Variants in DDX46 observed in about 807,000 individuals in gnomAD.
DDX46 encodes the protein DEAD-box helicase 46, also known as probable ATP-dependent RNA helicase DDX46.
DDX46 carries 30 observed loss-of-function variants against 134.9 expected under a neutral mutation model. That is an observed-to-expected ratio of 0.22 (90% CI 0.17 to 0.30). The LOEUF is 0.30. DDX46 is among the 10% of genes least tolerant of loss of function. The pLI is 1.00. For missense variants in DDX46, 622 were observed against 1,248.7 expected (o/e 0.50, Z 7.56); for synonymous variants, 415 against 404.1 (o/e 1.03, Z -0.32).
chr5:134,805,594 T>A (rs1381689970), intron 15 of DDX46, among the ~76,000 whole-genome samples: 2 of 151,850 alleles, frequency 1.3e-5, no homozygotes, highest in Non-Finnish European at 2.9e-5. Flanking sequence ...AGTGGCATGA[T>A]CTTGGCTCAC....
intron 15 of DDX46, among the ~76,000 whole-genome samples, chr5:134,803,032 G>C (rs1754878150): frequency 6.6e-6 from 1 of 151,956 alleles, no homozygotes; most frequent in African/African-American, 2.4e-5. Context: ...GTCTTGCTCT[G>C]TCTCCCAGGC....
At chr5:134,811,633 G>C in intron 17 of DDX46, 63 bp from the exon 18 acceptor site, 1 of 1,498,928 alleles carries the variant, frequency 6.7e-7, no homozygotes, top group Non-Finnish European at 9.0e-7. Context: ...TATTTAATTA[G>C]TATGAATTCC....
chr5:134,804,823 AT>A, intron 15 of DDX46: 1 of 409,516 alleles, frequency 2.4e-6, no homozygotes, highest in Non-Finnish European at 4.8e-6. Context: ...TTTCACCATG[AT>A]TTTCTGTTCC....
chr5:134,806,017 A>T (rs1754977645), intron 15 of DDX46, among the ~76,000 whole-genome samples: 1 of 151,148 alleles, frequency 6.6e-6, no homozygotes, highest in Non-Finnish European at 1.5e-5. Flanking sequence ...GTTCAAGACC[A>T]GCCTGGCCAA....
intron 15 of DDX46, among the ~76,000 whole-genome samples, chr5:134,799,316 C>CTTT (rs569120916): frequency 6.9e-6 from 1 of 144,676 alleles, no homozygotes; most frequent in East Asian, 2.0e-4. Context: ...ACTTGTTTCA[C>CTTT]TTTTTTTTTT....
At chr5:134,759,651 T>C (rs1033109138) in intron 1 of DDX46, among the ~76,000 whole-genome samples, 6 of 152,196 alleles carry the variant, frequency 3.9e-5, no homozygotes, top group South Asian at 2.1e-4. Context: ...TTGCTATGTA[T>C]TTAGCAATGA....
At chr5:134,820,371 T>C (rs891784712) in intron 21 of DDX46, among the ~76,000 whole-genome samples, 1 of 152,218 alleles carries the variant, frequency 6.6e-6, no homozygotes, top group East Asian at 1.9e-4. Context: ...CACCATAGCA[T>C]TGTAGTCAGT....
intron 5 of DDX46, among the ~76,000 whole-genome samples, chr5:134,775,743 C>G (rs1480968655): frequency 4.6e-5 from 7 of 152,174 alleles, no homozygotes; most frequent in Admixed American, 4.6e-4. Flanking sequence ...CCACCTGCCT[C>G]GGCCTCCCAA....
intron 13 of DDX46, among the ~76,000 whole-genome samples, chr5:134,793,239 G>C (rs1754558969): frequency 6.6e-6 from 1 of 152,260 alleles, no homozygotes; most frequent in South Asian, 2.1e-4. Context: ...TAAGGTTTCA[G>C]TGTCATGCAG....
rs1753502144 is a variant in DDX46 at position 134,764,624 on chromosome 5, C to T, written c.206+532C>T. 2.0e-5 allele frequency among the ~76,000 whole-genome samples: 3 copies of T among 152,130 alleles called. No homozygotes were observed. The South Asian group carries it at 6.2e-4, about 32-fold the overall frequency. On this transcript the variant is annotated intron_variant, in intron 2 of 22. Coordinates refer to ENST00000452510, the MANE Select transcript of DDX46 (RefSeq NM_001300860.2). ...AGTTTGGAAACTTTAGGCTGTATTTCCTGTAACCCAAAGACATCCCTTGAA... is the reference window on the plus strand; with the variant it reads ...AGTTTGGAAACTTTAGGCTGTATTTTCTGTAACCCAAAGACATCCCTTGAA...
In DDX46 at chr5:134,774,426, A is replaced by C. The variant is rs139730851; in HGVS notation, c.613+565A>C. ...GTAATGCTCCTGTGACCATTGGTGT[A>C]TAAATATCTGTTTGAGTCTCTGTAT... is the stretch of plus-strand genomic sequence containing the variant. On this transcript the variant is annotated intron_variant, in intron 5 of 22. Coordinates refer to ENST00000452510, the MANE Select transcript of DDX46 (RefSeq NM_001300860.2). Among the ~76,000 whole-genome samples the C allele has an allele frequency of 2.6e-3, 390 of 152,312 alleles. 2 individuals are homozygous for C. The highest frequency in any genetic ancestry group is 9.1e-3 in the African/African-American group (377 of 41,578).
intron 2 of DDX46, among the ~76,000 whole-genome samples, chr5:134,765,601 A>G (rs944668549): frequency 6.6e-6 from 1 of 152,066 alleles, no homozygotes; most frequent in Admixed American, 6.6e-5. Context: ...CACCCAGCCA[A>G]TTAAAAAAAG....
intron 4 of DDX46, among the ~76,000 whole-genome samples, chr5:134,772,444 C>A (rs988701020): frequency 6.6e-6 from 1 of 152,098 alleles, no homozygotes; most frequent in African/African-American, 2.4e-5. Context: ...ATGGCTTGAA[C>A]CCCGGACTTG....
In DDX46 at chr5:134,818,874, A is replaced by G. The variant is rs17167672; in HGVS notation, c.2847A>G (p.Lys949=). Residue 949 remains lysine (K), a synonymous_variant, in exon 21 of 23, where the codon AAA becomes AAG. Coordinates refer to ENST00000452510, the MANE Select transcript of DDX46 (RefSeq NM_001300860.2). ...TTTTCTTTTAGACTGCTAGGTGGAA[A>G]GTTACCTCTAAGGAAGCTCTGCAGA... ...INDFPQTARW[K]VTSKEALQRI... 2,623 of 1,612,334 alleles carry G rather than the reference A, an allele frequency of 1.6e-3. 38 individuals carry two copies. In the African/African-American group the frequency reaches 0.029, roughly 18 times the overall value.
chr5:134,817,762 C>G, intron 20 of DDX46, 48 bp downstream of exon 20: 1 of 1,496,166 alleles, frequency 6.7e-7, no homozygotes, highest in Non-Finnish European at 9.1e-7. Context: ...AGCAACTCTT[C>G]TTTGGAGGAA....
At chr5:134,819,797 A>G (rs764038014) in intron 21 of DDX46, among the ~76,000 whole-genome samples, 1 of 151,964 alleles carries the variant, frequency 6.6e-6, no homozygotes, top group Non-Finnish European at 1.5e-5. Flanking sequence ...AGCCTCCCAA[A>G]GTGCTAGGAT....
chr5:134,770,373 G>A (rs569268411), intron 3 of DDX46, among the ~76,000 whole-genome samples: 1 of 152,038 alleles, frequency 6.6e-6, no homozygotes, highest in Admixed American at 6.6e-5. Context: ...ACCATACCCA[G>A]CTAATTCTTA....
chr5:134,824,716 T>C (rs887531001), intron 21 of DDX46, among the ~76,000 whole-genome samples: 1 of 152,242 alleles, frequency 6.6e-6, no homozygotes, highest in Non-Finnish European at 1.5e-5. Context: ...TTTTTGAAAC[T>C]CCGAACTCAA....
At position 134,784,263 on chromosome 5, in the gene DDX46, T is replaced by A. The variant is rs574386464; in HGVS notation, c.1167-103T>A. The A allele has an allele frequency of 8.8e-5, 106 of 1,204,382 alleles. 1 individual carries two copies. Among genetic ancestry groups the A allele is most frequent in the East Asian group, 2.8e-4 (11 of 39,724 alleles). 74.6% of individuals were successfully genotyped at this position (1,204,382 alleles called of 1,614,324 possible). A position where few individuals can be genotyped will look rare whatever the true frequency, so the allele number is the denominator to read the frequency against. ...CCAAATAGTATTTTATTGTATGATATATACCACCTTTTGGAAGTTCATTTT... is the reference window on the plus strand; with the variant it reads ...CCAAATAGTATTTTATTGTATGATAAATACCACCTTTTGGAAGTTCATTTT... On this transcript the variant is annotated intron_variant, in intron 9 of 22. Coordinates refer to ENST00000452510, the MANE Select transcript of DDX46 (RefSeq NM_001300860.2).
Sources: allele counts gnomAD v4.1 joint callset (sites outside exome capture counted in the v4.1 genomes callset), GRCh38; gene constraint gnomAD v4.1.1; transcripts MANE v1.5; gene names NCBI Gene and HGNC (gene_info 2026-07-23, HGNC 2026-07-21).